CNTLN: variants seen among roughly 807,000 people sequenced by gnomAD.
The protein encoded by CNTLN is centlein, also known as centlein, centrosomal protein.
Under a neutral mutation model 180.0 loss-of-function variants are expected in CNTLN, and 212 were observed. That is an observed-to-expected ratio of 1.18 (90% CI 1.05 to 1.32). The LOEUF is 1.32. CNTLN is among the 40% of genes most tolerant of loss of function. The pLI, the probability that CNTLN is intolerant of heterozygous loss-of-function variation, is 0.00. For synonymous variants in CNTLN, 722 were observed against 563.1 expected (o/e 1.28, Z -3.99); for missense variants, 2,095 against 1,610.9 (o/e 1.30, Z -5.14).
intron 2 of CNTLN, among the ~76,000 whole-genome samples, chr9:17,151,987 C>G (rs1377571107): frequency 2.6e-5 from 4 of 152,150 alleles, no homozygotes; most frequent in Non-Finnish European, 5.9e-5. Flanking sequence ...GTCTGTATTT[C>G]TTTGGGATCA....
the CNTLN span, among the ~76,000 whole-genome samples, chr9:17,509,132 T>C: frequency 1.3e-5 from 2 of 152,160 alleles, no homozygotes; most frequent in Non-Finnish European, 2.9e-5. Context: ...GGGATAGAAG[T>C]TATGGCATAT....
In CNTLN at chr9:17,394,908, A is replaced by G. The variant is rs375115420; in HGVS notation, c.2454A>G (p.Arg818=). ...EMATMKVRSG[R]YDCKTTMTKV... ...CCACCATGAAAGTGAGATCTGGACG[A>G]TATGATTGTAAGACAACTATGACCA... The change falls in exon 15 of 26, where the codon CGA becomes CGG. Residue 818 remains arginine (R), a synonymous_variant. Transcript: ENST00000380647. 23 of 1,613,998 alleles carry G rather than the reference A, an allele frequency of 1.4e-5. No homozygotes were observed. The highest frequency in any genetic ancestry group is 1.6e-4 in the Middle Eastern group (1 of 6,082).
chr9:17,355,251 C>G (rs1248900086), intron 12 of CNTLN, among the ~76,000 whole-genome samples: 1 of 152,186 alleles, frequency 6.6e-6, no homozygotes, highest in African/African-American at 2.4e-5. Context: ...TCCTGAACTC[C>G]TGACTTCAAG....
chr9:17,198,103 T>G (rs1318522492), intron 2 of CNTLN, among the ~76,000 whole-genome samples: 3 of 152,322 alleles, frequency 2.0e-5, no homozygotes, highest in East Asian at 1.9e-4. Context: ...ATGTGTCTGT[T>G]TTTATGCTAG....
At chr9:17,361,834 T>A (rs1353694550) in intron 12 of CNTLN, among the ~76,000 whole-genome samples, 5 of 152,244 alleles carry the variant, frequency 3.3e-5, no homozygotes, top group Admixed American at 3.3e-4. Context: ...AGTGGCCGAA[T>A]ACAGTTGTTT....
intron 8 of CNTLN, among the ~76,000 whole-genome samples, chr9:17,325,547 AG>A (rs1435076996): frequency 1.0e-5 from 1 of 95,606 alleles, no homozygotes; most frequent in Non-Finnish European, 2.3e-5. Context: ...CACATGTAAC[AG>A]ATTTTATTAC....
In CNTLN at chr9:17,502,608, A is replaced by T. The variant is rs1833812469; in HGVS notation, c.4177A>T (p.Lys1393Ter). Reference protein sequence around the residue: ...AVLEKINEKKKLVEGYFTIMK... With the variant: ...AVLEKINEKK ...ACTGGAAAAAATAAATGAAAAAAAG[A>T]AACTAGTTGAAGGATATTTCACAAT... is the stretch of plus-strand genomic sequence containing the variant. The change falls in exon 26 of 26, where the codon AAA (lysine) becomes TAA (stop). Residue 1393 changes from lysine (K) to a stop codon, truncating the protein, a stop_gained. Transcript: ENST00000380647. LOFTEE classifies it high-confidence loss of function. 6 of 1,399,692 alleles carry T rather than the reference A, an allele frequency of 4.3e-6. No individual in the cohort carries two copies. Among genetic ancestry groups the T allele is most frequent in the Non-Finnish European group, 5.9e-6 (6 of 1,020,972 alleles). The allele number at this position is 1,399,692 out of a possible 1,614,324, so 86.7% of individuals were successfully genotyped here.
intron 12 of CNTLN, among the ~76,000 whole-genome samples, chr9:17,351,276 T>A (rs1382021655): frequency 6.6e-6 from 1 of 152,224 alleles, no homozygotes; most frequent in Non-Finnish European, 1.5e-5. Context: ...CATATTTGCC[T>A]ATGACAATGT....
chr9:17,484,207 T>C, intron 23 of CNTLN, 88 bp from the exon 24 acceptor site: 1 of 1,016,792 alleles, frequency 9.8e-7, no homozygotes, highest in Non-Finnish European at 1.4e-6. Flanking sequence ...AAAAATGATT[T>C]GTTAGTATCT....
chr9:17,160,549 A>T (rs1819608721), intron 2 of CNTLN, among the ~76,000 whole-genome samples: 1 of 152,202 alleles, frequency 6.6e-6, no homozygotes, highest in African/African-American at 2.4e-5. Flanking sequence ...ACTCAAATTT[A>T]GTAATTCCTC....
At chr9:17,266,181 A>G (rs1401220032) in intron 5 of CNTLN, among the ~76,000 whole-genome samples, 4 of 152,028 alleles carry the variant, frequency 2.6e-5, no homozygotes, top group Admixed American at 6.6e-5. Context: ...ATTTAGTGCT[A>G]TAAATTTCCT....
At chr9:17,482,207 C>T (rs1832685617) in intron 23 of CNTLN, among the ~76,000 whole-genome samples, 1 of 151,918 alleles carries the variant, frequency 6.6e-6, no homozygotes. Flanking sequence ...GAAGACAACA[C>T]ATGATCAAAC....
chr9:17,342,246 A>C, intron 11 of CNTLN, 79 bp from the exon 12 acceptor site: 2 of 1,406,682 alleles, frequency 1.4e-6, no homozygotes, highest in Non-Finnish European at 2.0e-6. Flanking sequence ...GATATTTTTA[A>C]ATTTTAAGGA....
chr9:17,141,575 A>T (rs1030758874), intron 1 of CNTLN, among the ~76,000 whole-genome samples: 6 of 152,092 alleles, frequency 3.9e-5, no homozygotes, highest in African/African-American at 1.4e-4. Context: ...CTTGACACAG[A>T]GTTTGGATTA....
chr9:17,163,443 G>A (rs759443910), intron 2 of CNTLN, among the ~76,000 whole-genome samples: 11 of 152,156 alleles, frequency 7.2e-5, no homozygotes, highest in Non-Finnish European at 1.3e-4. Flanking sequence ...GATATCATTG[G>A]CAAATCATGC....
intron 18 of CNTLN, among the ~76,000 whole-genome samples, chr9:17,425,377 G>C (rs1829009933): frequency 6.6e-6 from 1 of 152,120 alleles, no homozygotes. Context: ...GACACAACAA[G>C]ACACCTGGCA....
At chr9:17,356,077 A>AAAAAG (rs1822821035) in intron 12 of CNTLN, among the ~76,000 whole-genome samples, 2 of 64,178 alleles carry the variant, frequency 3.1e-5, no homozygotes, top group African/African-American at 6.3e-5. Context: ...AAAAAAAAAA[A>AAAAAG]AAAAGAAAAA....
chr9:17,412,401 A>G (rs1827918505), intron 16 of CNTLN, among the ~76,000 whole-genome samples: 1 of 152,214 alleles, frequency 6.6e-6, no homozygotes. Flanking sequence ...CAACAGAAGC[A>G]AAAAGCAAGA....
intron 21 of CNTLN, among the ~76,000 whole-genome samples, chr9:17,465,144 GC>G (rs2134204252): frequency 6.8e-6 from 1 of 147,542 alleles, no homozygotes; most frequent in African/African-American, 2.5e-5. Flanking sequence ...TTTTGAAGGT[GC>G]TTTTTTCACA....
Sources: gnomAD v4.1 joint callset for allele counts (sites outside exome capture counted in the v4.1 genomes callset) on GRCh38, gnomAD v4.1.1 for gene constraint, MANE v1.5 for transcripts, NCBI Gene and HGNC (gene_info 2026-07-23, HGNC 2026-07-21) for gene names.